Variants in MAP1LC3A observed in about 807,000 individuals in gnomAD.
The protein encoded by MAP1LC3A is microtubule associated protein 1 light chain 3 alpha.
In MAP1LC3A, 10 loss-of-function variants were observed where a neutral mutation model predicts 15.2. The ratio of observed to expected loss-of-function variants is 0.66; its 90% confidence interval spans 0.41 to 1.12. The LOEUF is 1.12. Among genes scored for constraint, MAP1LC3A ranks in the 50% most tolerant of loss-of-function variants. The pLI is 0.00. For synonymous variants in MAP1LC3A, 63 were observed against 64.3 expected, an observed-to-expected ratio of 0.98 and a Z score of 0.10; for missense variants, 138 against 167.3, an observed-to-expected ratio of 0.82 and a Z score of 0.97.
chr20:34,548,195 C>T (rs1368395228), intron 1 of MAP1LC3A, among the ~76,000 whole-genome samples: 2 of 152,168 alleles, frequency 1.3e-5, no homozygotes, highest in Admixed American at 6.5e-5. Context: ...TTCCTTTGGA[C>T]GTGTTGAGTT....
Position 34,547,743 on chromosome 20 carries a change from T to C in MAP1LC3A, c.-74+827T>C, listed in dbSNP as rs183831663. Reference sequence around the variant, plus strand: ...AGGCCTCCCCAGCCATGCAGAACTGTGCCTCAGTTAAACCTCTTTTCTTTG... The same window carrying C: ...AGGCCTCCCCAGCCATGCAGAACTGCGCCTCAGTTAAACCTCTTTTCTTTG... On this transcript the variant is annotated intron_variant, in intron 1 of 4. Coordinates refer to the MAP1LC3A transcript ENST00000374837. Among the ~76,000 whole-genome samples, 163 of 152,252 alleles carry C rather than the reference T, an allele frequency of 1.1e-3. 2 individuals are homozygous for C. The highest frequency in any genetic ancestry group is 6.2e-3 in the Admixed American group (95 of 15,282).
At chr20:34,552,509 G>T (rs1981985511) in intron 2 of MAP1LC3A, among the ~76,000 whole-genome samples, 1 of 152,264 alleles carries the variant, frequency 6.6e-6, no homozygotes, top group Non-Finnish European at 1.5e-5. Context: ...CAAAGGCCCT[G>T]GGGCATGAGC....
exon 2 of MAP1LC3A, chr20:34,549,983 G>A (rs1184227904): frequency 6.2e-7 from 1 of 1,614,060 alleles, no homozygotes. Context: ...TGCAGATGAA[G>A]ATGAGATTCT....
chr20:34,560,201 A>C lies in MAP1LC3A; in HGVS notation c.*303A>C, dbSNP rs2146683142. On this transcript the variant is annotated 3_prime_UTR_variant, in exon 4 of 4. Coordinates refer to ENST00000360668, the MANE Select transcript of MAP1LC3A (RefSeq NM_032514.4). ...CTGCCTGTCTGCCCATCTGCCCCTCACCCACCCGAGGCTCTGCCCACCGCC... is the reference window on the plus strand; with the variant it reads ...CTGCCTGTCTGCCCATCTGCCCCTCCCCCACCCGAGGCTCTGCCCACCGCC... 1.3e-5 allele frequency: 4 copies of C among 309,428 alleles called. No individual in the cohort carries two copies. The highest frequency in any genetic ancestry group is 4.7e-5 in the Admixed American group (1 of 21,080). The allele number at this position is 309,428 out of a possible 1,614,324, so 19.2% of individuals were successfully genotyped here. A position where few individuals can be genotyped will look rare whatever the true frequency, so the allele number is the denominator to read the frequency against.
At chr20:34,554,382 T>G (rs1982067461), upstream of MAP1LC3A, among the ~76,000 whole-genome samples, 1 of 35,070 alleles carries the variant, frequency 2.9e-5, no homozygotes. Context: ...TTTTTTTTTT[T>G]TTTTTTTTTT....
upstream of MAP1LC3A, among the ~76,000 whole-genome samples, chr20:34,553,787 CT>C (rs997585923): frequency 9.8e-5 from 15 of 152,326 alleles, no homozygotes; most frequent in African/African-American, 3.6e-4. Context: ...TATTTACTGT[CT>C]GGCCCTTTAA....
At chr20:34,551,431 G>C (rs1193891475) in intron 2 of MAP1LC3A, among the ~76,000 whole-genome samples, 1 of 151,464 alleles carries the variant, frequency 6.6e-6, no homozygotes, top group Non-Finnish European at 1.5e-5. Flanking sequence ...AGGTAGACTG[G>C]TGAGGCCCAA....
intron 1 of MAP1LC3A, among the ~76,000 whole-genome samples, chr20:34,547,775 A>G (rs1981794782): frequency 1.3e-5 from 2 of 152,048 alleles, no homozygotes; most frequent in Admixed American, 1.3e-4. Context: ...TTTGTAAATT[A>G]CTCAGGCTCG....
rs748185403 is a variant in MAP1LC3A at position 34,559,899 on chromosome 20, G to T, written c.*1G>T. On this transcript the variant is annotated 3_prime_UTR_variant, in exon 4 of 4. Transcript: ENST00000360668. ...CTCCCAGGAAACCTTCGGCTTCTGA[G>T]CCAGCAGTAGGGGGGCTCGGCCTGG... is the stretch of plus-strand genomic sequence containing the variant. The T allele has an allele frequency of 6.2e-7, 1 of 1,609,468 alleles. No homozygotes were observed. Among genetic ancestry groups the T allele is most frequent in the Non-Finnish European group, 8.5e-7 (1 of 1,178,126 alleles).
At chr20:34,554,354 G>GTT (rs537779341), upstream of MAP1LC3A, among the ~76,000 whole-genome samples, 84 of 106,144 alleles carry the variant, frequency 7.9e-4, 6 homozygotes, top group Non-Finnish European at 1.3e-3. Context: ...TATACGTTGG[G>GTT]TTTTTTTTTT....
At chr20:34,553,709 G>A (rs6120677) in intron 2 of MAP1LC3A, among the ~76,000 whole-genome samples, 1 of 152,148 alleles carries the variant, frequency 6.6e-6, no homozygotes, top group African/African-American at 2.4e-5. Flanking sequence ...ATCTCATTTA[G>A]GCTGTCTAAG....
At chr20:34,552,559 T>C (rs766481774) in intron 2 of MAP1LC3A, among the ~76,000 whole-genome samples, 31 of 151,336 alleles carry the variant, frequency 2.0e-4, no homozygotes, top group Non-Finnish European at 3.4e-4. Flanking sequence ...GCCAGAGGAG[T>C]AGCGGGGAGG....
In MAP1LC3A at chr20:34,558,822, C is replaced by T. The variant is rs1198270583; in HGVS notation, c.-47C>T. On this transcript the variant is annotated 5_prime_UTR_variant, in exon 1 of 4. Coordinates refer to ENST00000360668, the MANE Select transcript of MAP1LC3A (RefSeq NM_032514.4). The surrounding 1 kb of genome is among the most constrained non-coding windows in gnomAD (Gnocchi z 4.3). ...CGGAGCCCCCAAACCGCAGACACAT[C>T]CCCGCGCCCCAGAGCCCCGGCCTGC... 3 of 1,421,836 alleles carry T rather than the reference C, an allele frequency of 2.1e-6. No individual in the cohort carries two copies. Among genetic ancestry groups the T allele is most frequent in the Non-Finnish European group, 2.7e-6 (3 of 1,094,812 alleles). 88.1% of individuals were successfully genotyped at this position (1,421,836 alleles called of 1,614,324 possible). A position where few individuals can be genotyped will look rare whatever the true frequency, so the allele number is the denominator to read the frequency against.
chr20:34,548,212 C>T (rs1303940510), intron 1 of MAP1LC3A, among the ~76,000 whole-genome samples: 1 of 152,174 alleles, frequency 6.6e-6, no homozygotes. Flanking sequence ...AGTTCGGAGG[C>T]AGCCTTTGTT....
chr20:34,558,089 C>T, upstream of MAP1LC3A: 1 of 985,540 alleles, frequency 1.0e-6, no homozygotes. The surrounding 1 kb of genome is among the most constrained non-coding windows in gnomAD (Gnocchi z 4.3). Flanking sequence ...CTGGCGTTGC[C>T]ATCTGTGCCC....
In MAP1LC3A at chr20:34,558,821, TC is replaced by T; in HGVS notation, c.-44del. ...CCGGAGCCCCCAAACCGCAGACACA[TC>T]CCCGCGCCCCAGAGCCCCGGCCTGC... is the stretch of plus-strand genomic sequence containing the variant. On this transcript the variant is annotated 5_prime_UTR_variant, in exon 1 of 4. Transcript: ENST00000360668. The surrounding 1 kb of genome is among the most constrained non-coding windows in gnomAD (Gnocchi z 4.3). 7.0e-7 allele frequency: 1 copy of T among 1,420,340 alleles called. No individual in the cohort carries two copies. Among genetic ancestry groups the T allele is most frequent in the Non-Finnish European group, 9.1e-7 (1 of 1,093,912 alleles). 88.0% of individuals were successfully genotyped at this position (1,420,340 alleles called of 1,614,324 possible).
chr20:34,548,613 G>A (rs1049708239), intron 1 of MAP1LC3A, among the ~76,000 whole-genome samples: 3 of 152,198 alleles, frequency 2.0e-5, no homozygotes, highest in Non-Finnish European at 2.9e-5. Context: ...GAGGATCTGT[G>A]GGGAGCAAGG....
chr20:34,549,001 C>T (rs569731041), intron 1 of MAP1LC3A, among the ~76,000 whole-genome samples: 60 of 151,880 alleles, frequency 4.0e-4, no homozygotes, highest in African/African-American at 1.4e-3. Flanking sequence ...CCACCATGCC[C>T]GGCCCCACTT....
chr20:34,554,783 C>A (rs1982089275), upstream of MAP1LC3A, among the ~76,000 whole-genome samples: 2 of 152,180 alleles, frequency 1.3e-5, no homozygotes, highest in African/African-American at 4.8e-5. Flanking sequence ...ATTCTCATGC[C>A]TCAGCCTCCC....
Sources: allele counts gnomAD v4.1 joint callset (sites outside exome capture counted in the v4.1 genomes callset), GRCh38; gene constraint gnomAD v4.1.1; non-coding constraint Gnocchi (gnomAD v3.1); transcripts MANE v1.5; gene names NCBI Gene and HGNC (gene_info 2026-07-23, HGNC 2026-07-21).